ADAMTS18: variants seen among roughly 807,000 people sequenced by gnomAD.
ADAMTS18 encodes ADAM metallopeptidase with thrombospondin type 1 motif 18, also known as A disintegrin and metalloproteinase with thrombospondin motifs 18.
Under a neutral mutation model 165.9 loss-of-function variants are expected in ADAMTS18, and 157 were observed. The observed-to-expected ratio is 0.95, with a 90% CI of 0.83 to 1.08. The LOEUF (loss-of-function observed/expected upper bound fraction) is 1.08. Among genes scored for constraint, ADAMTS18 ranks in the 50% least tolerant of loss-of-function variants. The pLI, the probability that ADAMTS18 is intolerant of heterozygous loss-of-function variation, is 0.00. For missense variants in ADAMTS18, 2,040 were observed against 1,534.0 expected (o/e 1.33, Z -5.51); for synonymous variants, 782 against 578.2 (o/e 1.35, Z -5.06).
chr16:77,414,038 A>T (rs2057498719), intron 3 of ADAMTS18, among the ~76,000 whole-genome samples: 1 of 152,236 alleles, frequency 6.6e-6, no homozygotes, highest in South Asian at 2.1e-4. Flanking sequence ...CTGCATAGAA[A>T]CTATATGACC....
chr16:77,369,125 C>T (rs1469343852), intron 3 of ADAMTS18, among the ~76,000 whole-genome samples: 1 of 152,250 alleles, frequency 6.6e-6, no homozygotes, highest in East Asian at 1.9e-4. Flanking sequence ...CCCAAACCTG[C>T]TGGATCAAAG....
At chr16:77,310,197 A>G (rs1346679743) in intron 16 of ADAMTS18, among the ~76,000 whole-genome samples, 2 of 152,218 alleles carry the variant, frequency 1.3e-5, no homozygotes, top group African/African-American at 4.8e-5. Context: ...ATTTGAAAGA[A>G]GATTGCAACG....
Position 77,398,318 on chromosome 16 carries a change from A to AC in ADAMTS18, c.496-30596_496-30595insG, listed in dbSNP as rs2057284568. On this transcript the variant is annotated intron_variant, in intron 3 of 22. Coordinates refer to ENST00000282849, the MANE Select transcript of ADAMTS18 (RefSeq NM_199355.4). Reference sequence around the variant, plus strand: ...AGAAACAGAGAGACACTCTGTCTCAAAAACAACAACAACAACAACAACAAC... The same window carrying AC: ...AGAAACAGAGAGACACTCTGTCTCAACAAACAACAACAACAACAACAACAAC... 4.6e-5 allele frequency among the ~76,000 whole-genome samples: 7 copies of AC among 150,540 alleles called. No homozygotes were observed. In the South Asian group the frequency reaches 1.5e-3, roughly 32 times the overall value.
At position 77,430,393 on chromosome 16, in the gene ADAMTS18, C is replaced by T. The variant is rs150756964; in HGVS notation, c.495+902G>A. On this transcript the variant is annotated intron_variant, in intron 3 of 22. Coordinates refer to ENST00000282849, the MANE Select transcript of ADAMTS18 (RefSeq NM_199355.4). ...TCAACTAACAAAGAACATGGGAGTC[C>T]GCATTCACCCGTACCCAAGCCACCC... Among the ~76,000 whole-genome samples, 663 of 152,220 alleles carry T rather than the reference C, an allele frequency of 4.4e-3. 9 individuals carry two copies. Among genetic ancestry groups the T allele is most frequent in the African/African-American group, 0.016 (644 of 41,516 alleles).
At chr16:77,331,284 T>C (rs1444449722) in intron 12 of ADAMTS18, among the ~76,000 whole-genome samples, 1 of 152,156 alleles carries the variant, frequency 6.6e-6, no homozygotes, top group Non-Finnish European at 1.5e-5. Flanking sequence ...TTGAATTAGG[T>C]AATCTATGTC....
Position 77,293,102 on chromosome 16 carries a change from G to C in ADAMTS18, c.3163C>G (p.Gln1055Glu). The change falls in exon 20 of 23, where the codon CAG becomes GAG. Residue 1055 changes from glutamine to glutamate, a missense_variant. Coordinates refer to ENST00000282849, the MANE Select transcript of ADAMTS18 (RefSeq NM_199355.4). ...TCGCTCCACGAAGAAGCGACCCACT[G>C]TAGCCGGCTGTTCTTGGGGCATCGT... ...LGRCPKNSRL[Q>E]WVASSWSECS... 2 of 1,614,062 alleles carry C rather than the reference G, an allele frequency of 1.2e-6. No homozygotes were observed. Among genetic ancestry groups the C allele is most frequent in the Non-Finnish European group, 1.7e-6 (2 of 1,179,996 alleles).
rs1418041148 is a variant in ADAMTS18, at chr16:77,353,890, T to C, written c.1461-4A>G. 1 of 1,614,188 alleles carries C rather than the reference T, an allele frequency of 6.2e-7. No homozygotes were observed. On this transcript the variant is annotated splice_polypyrimidine_tract_variant and splice_region_variant and intron_variant, in intron 9 of 22. Coordinates refer to ENST00000282849, the MANE Select transcript of ADAMTS18 (RefSeq NM_199355.4). ...TAGACACCCCGCCTGAGGTGTGCTG[T>C]AATGACAATACATGCTTATTAATTA...
At chr16:77,358,936 A>T (rs923494293) in intron 8 of ADAMTS18, among the ~76,000 whole-genome samples, 2 of 152,224 alleles carry the variant, frequency 1.3e-5, no homozygotes, top group African/African-American at 4.8e-5. Context: ...ACATGCAGCA[A>T]AAGTTTTTTT....
At position 77,297,294 on chromosome 16, in the gene ADAMTS18, C is replaced by T. The variant is rs759564729; in HGVS notation, c.2796G>A (p.Pro932=). ...EPKICNAFSC[P]AYWMPGEWST... is the part of the protein sequence containing the mutation. ...GACACTTCCAAATGACTTACTAAGC[C>T]GGGCAGGAGAAAGCGTTGCAGATTT... The change falls in exon 18 of 23, where the codon CCG becomes CCA. Residue 932 remains proline, a synonymous_variant. Transcript: ENST00000282849. The T allele has an allele frequency of 1.1e-5, 18 of 1,613,988 alleles. 1 individual carries two copies. The highest frequency in any genetic ancestry group is 5.5e-5 in the South Asian group (5 of 91,082).
intron 3 of ADAMTS18, among the ~76,000 whole-genome samples, chr16:77,368,237 A>G (rs889054767): frequency 2.0e-5 from 3 of 152,106 alleles, no homozygotes; most frequent in Non-Finnish European, 4.4e-5. Context: ...GGGCACCCAG[A>G]GTTCTCTACT....
chr16:77,330,724 C>G, intron 12 of ADAMTS18, among the ~76,000 whole-genome samples: 1 of 150,374 alleles, frequency 6.7e-6, no homozygotes, highest in Non-Finnish European at 1.5e-5. Context: ...TAGCAGTCAA[C>G]AAAAAAAAAC....
chr16:77,303,792 G>C (rs2055631835), intron 16 of ADAMTS18, among the ~76,000 whole-genome samples: 1 of 152,214 alleles, frequency 6.6e-6, no homozygotes, highest in South Asian at 2.1e-4. Context: ...CCAGTACTTT[G>C]GGAGGCCGAG....
At chr16:77,320,366 G>A (rs540937025) in intron 15 of ADAMTS18, among the ~76,000 whole-genome samples, 1 of 152,148 alleles carries the variant, frequency 6.6e-6, no homozygotes, top group Non-Finnish European at 1.5e-5. Context: ...ACCACAAAAG[G>A]CCACAAAATT....
chr16:77,427,112 A>G (rs983000012), intron 3 of ADAMTS18, among the ~76,000 whole-genome samples: 1 of 152,232 alleles, frequency 6.6e-6, no homozygotes, highest in Non-Finnish European at 1.5e-5. Flanking sequence ...ATTCGTATGC[A>G]TCAGAATCAT....
Position 77,322,447 on chromosome 16 carries a change from C to A in ADAMTS18, c.2052G>T (p.Leu684=). 3 of 1,613,958 alleles carry A rather than the reference C, an allele frequency of 1.9e-6. No individual in the cohort carries two copies. Among genetic ancestry groups the A allele is most frequent in the Non-Finnish European group, 1.7e-6 (2 of 1,179,942 alleles). Residue 684 remains leucine (L), a synonymous_variant, in exon 14 of 23, where the codon CTG becomes CTT. Transcript: ENST00000282849. ...TKVEEEDRCK[L]YCKAENFEFF... ...ATTCAAAGTTCTCAGCCTTGCAGTA[C>A]AGTTTGCATCGATCTTCCTCTAGAA...
At chr16:77,308,269 A>G (rs2055717130) in intron 16 of ADAMTS18, among the ~76,000 whole-genome samples, 1 of 152,190 alleles carries the variant, frequency 6.6e-6, no homozygotes, top group Admixed American at 6.5e-5. Flanking sequence ...TACAATAGCA[A>G]CCTGTATTAT....
intron 12 of ADAMTS18, among the ~76,000 whole-genome samples, chr16:77,333,492 CAA>C (rs61412792): frequency 1.3e-4 from 19 of 141,364 alleles, no homozygotes; most frequent in Non-Finnish European, 2.6e-4. Context: ...AAAGAAATAC[CAA>C]AAAAAAAAAA....
At position 77,282,983 on chromosome 16, in the gene ADAMTS18, C is replaced by T. The variant is rs1272649802; in HGVS notation, c.*973G>A. The T allele has an allele frequency of 7.0e-6, 1 of 142,986 alleles. No homozygotes were observed. The highest frequency in any genetic ancestry group is 1.5e-5 in the Non-Finnish European group (1 of 66,496). 8.9% of individuals were successfully genotyped at this position (142,986 alleles called of 1,614,324 possible). A position where few individuals can be genotyped will look rare whatever the true frequency, so the allele number is the denominator to read the frequency against. On this transcript the variant is annotated 3_prime_UTR_variant, in exon 23 of 23. Transcript: ENST00000282849. The stretch of plus-strand genomic sequence containing the variant: ...CGTATCAGTTGGTAGGAAAAAGCCA[C>T]AAGTGGCCTTTAATTTTCCAAGCAG...
intron 3 of ADAMTS18, among the ~76,000 whole-genome samples, chr16:77,381,808 A>G (rs750188069): frequency 6.6e-6 from 1 of 152,168 alleles, no homozygotes; most frequent in African/African-American, 2.4e-5. Flanking sequence ...TCTCAAAAAA[A>G]TAAATAATAA....
Sources: allele counts gnomAD v4.1 joint callset (sites outside exome capture counted in the v4.1 genomes callset), GRCh38; gene constraint gnomAD v4.1.1; transcripts MANE v1.5; gene names NCBI Gene and HGNC (gene_info 2026-07-23, HGNC 2026-07-21).